TNFRSF1B: variants seen among roughly 807,000 people sequenced by gnomAD.
TNFRSF1B encodes the protein tumor necrosis factor receptor superfamily member 1B.
A neutral mutation model predicts 44.6 loss-of-function variants in TNFRSF1B; 19 were observed. That is an observed-to-expected ratio of 0.43 (90% CI 0.30 to 0.62). The LOEUF (loss-of-function observed/expected upper bound fraction) is 0.62, where lower values mean the gene tolerates loss of function less well. Among genes scored for constraint, TNFRSF1B ranks in the 20% least tolerant of loss-of-function variants. TNFRSF1B has a pLI of 0.16. For synonymous variants in TNFRSF1B, 252 were observed against 261.1 expected (o/e 0.97, Z 0.34); for missense variants, 541 against 619.9 (o/e 0.87, Z 1.35).
rs997728401 is a variant in TNFRSF1B at position 12,171,446 on chromosome 1, C to T, written c.78+4277C>T. Among the ~76,000 whole-genome samples, 3 of 152,230 alleles carry T rather than the reference C, an allele frequency of 2.0e-5. No homozygotes were observed. Among genetic ancestry groups the T allele is most frequent in the Non-Finnish European group, 4.4e-5 (3 of 68,044 alleles). On this transcript the variant is annotated intron_variant, in intron 1 of 9. Coordinates refer to ENST00000376259, the MANE Select transcript of TNFRSF1B (RefSeq NM_001066.3). The surrounding 1 kb of genome is among the most constrained non-coding windows in gnomAD (Gnocchi z 4.5). ...CTGACGTCTCTTGGTCTCCTTCCCTCGCTTCCTTCTGCTGAAGTAGACAAT... is the reference window on the plus strand; with the variant it reads ...CTGACGTCTCTTGGTCTCCTTCCCTTGCTTCCTTCTGCTGAAGTAGACAAT...
At position 12,178,568 on chromosome 1, in the gene TNFRSF1B, A is replaced by G. The variant is rs1029804190; in HGVS notation, c.79-10228A>G. 6.6e-6 allele frequency among the ~76,000 whole-genome samples: 1 copy of G among 152,182 alleles called. No individual in the cohort carries two copies. Among genetic ancestry groups the G allele is most frequent in the Non-Finnish European group, 1.5e-5 (1 of 68,020 alleles). On this transcript the variant is annotated intron_variant, in intron 1 of 9. Transcript: ENST00000376259. This position sits in a 1 kb window ranked among gnomAD's most constrained non-coding sequence, Gnocchi z 4.3. ...CCAAAACTGGTCGGGTGTGGGCAGTATAGAGATGCACCCGGGTTGTCACAG... is the reference window on the plus strand; with the variant it reads ...CCAAAACTGGTCGGGTGTGGGCAGTGTAGAGATGCACCCGGGTTGTCACAG...
rs372242396 is a variant in TNFRSF1B, at chr1:12,173,712, G to C, written c.78+6543G>C. ...CCTTTGTCGCTGGTAATGGGTGCAG[G>C]CTGCTCTGACCCGGTTCTGAGTCCT... On this transcript the variant is annotated intron_variant, in intron 1 of 9. Coordinates refer to ENST00000376259, the MANE Select transcript of TNFRSF1B (RefSeq NM_001066.3). Among the ~76,000 whole-genome samples, 17 of 152,324 alleles carry C rather than the reference G, an allele frequency of 1.1e-4. No homozygotes were observed. The East Asian group carries it at 1.4e-3, about 12-fold the overall frequency.
At chr1:12,191,544 C>T (rs932445735) in intron 3 of TNFRSF1B, among the ~76,000 whole-genome samples, 4 of 147,590 alleles carry the variant, frequency 2.7e-5, no homozygotes, top group Non-Finnish European at 6.0e-5. Flanking sequence ...CTGCGGGGGA[C>T]GAGCAGGACT....
At chr1:12,174,406 C>G (rs1291988828) in intron 1 of TNFRSF1B, among the ~76,000 whole-genome samples, 2 of 152,020 alleles carry the variant, frequency 1.3e-5, no homozygotes, top group Non-Finnish European at 2.9e-5. Flanking sequence ...CACCACCACA[C>G]CCGGCTAGTT....
Position 12,186,478 on chromosome 1 carries a change from C to T in TNFRSF1B, c.79-2318C>T, listed in dbSNP as rs543236144. On this transcript the variant is annotated intron_variant, in intron 1 of 9. Transcript: ENST00000376259. The surrounding 1 kb of genome is among the most constrained non-coding windows in gnomAD (Gnocchi z 4.8). ...GCTGAAGTCCAGGATAGGTCCATGG[C>T]CACGTTGTGCTGGTTTGTTAAATAT... Among the ~76,000 whole-genome samples, 1 of 152,316 alleles carries T rather than the reference C, an allele frequency of 6.6e-6. No homozygotes were observed. Among genetic ancestry groups the T allele is most frequent in the Admixed American group, 6.5e-5 (1 of 15,302 alleles).
intron 9 of TNFRSF1B, among the ~76,000 whole-genome samples, chr1:12,203,381 G>A (rs1454728768): frequency 1.3e-5 from 2 of 152,072 alleles, no homozygotes; most frequent in African/African-American, 2.4e-5. Context: ...CCCCCACCAC[G>A]CAGCCCTCCT....
intron 1 of TNFRSF1B, among the ~76,000 whole-genome samples, chr1:12,170,490 C>T (rs1638496852): frequency 6.6e-6 from 1 of 152,240 alleles, no homozygotes; most frequent in African/African-American, 2.4e-5. Flanking sequence ...GCCATCCTGG[C>T]ACCTGGCACA....
At chr1:12,174,160 T>TCTCCTTCTCCTTCTCCTTCTC (rs61393750) in intron 1 of TNFRSF1B, among the ~76,000 whole-genome samples, 3 of 67,918 alleles carry the variant, frequency 4.4e-5, no homozygotes, top group Non-Finnish European at 3.0e-5. Flanking sequence ...TTCTTCTTCT[T>TCTCCTTCTCCTTCTCCTTCTC]CTTCTCCTTC....
In TNFRSF1B at chr1:12,192,425, C is replaced by T; in HGVS notation, c.458-6C>T. 2 of 1,614,006 alleles carry T rather than the reference C, an allele frequency of 1.2e-6. No individual in the cohort carries two copies. The highest frequency in any genetic ancestry group is 1.7e-6 in the Non-Finnish European group (2 of 1,179,908). On this transcript the variant is annotated splice_polypyrimidine_tract_variant and splice_region_variant and intron_variant, in intron 4 of 9. Coordinates refer to ENST00000376259, the MANE Select transcript of TNFRSF1B (RefSeq NM_001066.3). ...GTGGTTGACAAGTTCGGATTGTTCC[C>T]TGAAGGAACTGAAACATCAGACGTG...
At position 12,208,903 on chromosome 1, in the gene TNFRSF1B, G is replaced by T. The variant is rs539910083; in HGVS notation, c.*1883G>T. The T allele has an allele frequency of 6.6e-6, 1 of 152,210 alleles. No individual in the cohort carries two copies. Among genetic ancestry groups the T allele is most frequent in the African/African-American group, 2.4e-5 (1 of 41,414 alleles). 9.4% of individuals were successfully genotyped at this position (152,210 alleles called of 1,614,324 possible). ...TGAGGCTGCAGCGAGCTATGATCGC[G>T]CCACTACACTCCAGCCTGAGCAACA... On this transcript the variant is annotated 3_prime_UTR_variant, in exon 10 of 10. Coordinates refer to ENST00000376259, the MANE Select transcript of TNFRSF1B (RefSeq NM_001066.3).
chr1:12,190,884 G>A, intron 2 of TNFRSF1B, 73 bp from the exon 3 acceptor site: 1 of 1,555,272 alleles, frequency 6.4e-7, no homozygotes, highest in East Asian at 2.3e-5. Flanking sequence ...TGGACTTTGT[G>A]GGGACAGTGG....
At chr1:12,167,567 A>C (rs1335116247) in intron 1 of TNFRSF1B, 3 of 329,968 alleles carry the variant, frequency 9.1e-6, no homozygotes, top group Non-Finnish European at 1.8e-5. Context: ...CACGCGGTGG[A>C]GAAGGGGCTG....
chr1:12,183,720 C>CCTATCTATCTATCTATCTAT lies in TNFRSF1B; in HGVS notation c.79-5064_79-5045dup, dbSNP rs376176302. 4.0e-4 allele frequency among the ~76,000 whole-genome samples: 37 copies of CCTATCTATCTATCTATCTAT among 92,200 alleles called. 2 individuals carry two copies. Among genetic ancestry groups the CCTATCTATCTATCTATCTAT allele is most frequent in the African/African-American group, 1.1e-3 (33 of 29,222 alleles). 60.5% of individuals were successfully genotyped at this position (92,200 alleles called of 152,430 possible). A position where few individuals can be genotyped will look rare whatever the true frequency, so the allele number is the denominator to read the frequency against. On this transcript the variant is annotated intron_variant, in intron 1 of 9. Coordinates refer to ENST00000376259, the MANE Select transcript of TNFRSF1B (RefSeq NM_001066.3). ...TCTATCTATCTATCTATTCTATCTA[C>CCTATCTATCTATCTATCTAT]CTATCTATCTATCTATCTATCTATC...
chr1:12,191,141 G>A (rs1171568649), intron 3 of TNFRSF1B, 56 bp downstream of exon 3: 4 of 1,588,736 alleles, frequency 2.5e-6, no homozygotes, highest in African/African-American at 2.7e-5. Context: ...AACTTCCCCC[G>A]GCAACTCCAG....
At chr1:12,192,268 A>C (rs1639156619) in intron 4 of TNFRSF1B, 163 bp from the exon 5 acceptor site, 1 of 717,630 alleles carries the variant, frequency 1.4e-6, no homozygotes, top group African/African-American at 1.8e-5. Flanking sequence ...GCATGTGTGT[A>C]CAGGCATCTG....
chr1:12,200,674 G>A (rs535854743), intron 8 of TNFRSF1B, among the ~76,000 whole-genome samples: 1 of 152,078 alleles, frequency 6.6e-6, no homozygotes, highest in African/African-American at 2.4e-5. Context: ...CCAGCCTGGA[G>A]TGCAGTGGCT....
At position 12,177,492 on chromosome 1, in the gene TNFRSF1B, G is replaced by A. The variant is rs1216160244; in HGVS notation, c.78+10323G>A. ...GCTGCACCCCCACTAGTGTGGGGGA[G>A]CAGGATTCCAGGGCCTGCCTGGCGC... On this transcript the variant is annotated intron_variant, in intron 1 of 9. Transcript: ENST00000376259. This position sits in a 1 kb window ranked among gnomAD's most constrained non-coding sequence, Gnocchi z 4.3. Among the ~76,000 whole-genome samples, 3 of 152,320 alleles carry A rather than the reference G, an allele frequency of 2.0e-5. No individual in the cohort carries two copies. The South Asian group carries it at 6.2e-4, about 32-fold the overall frequency.
Position 12,206,783 on chromosome 1 carries a change from C to T in TNFRSF1B, c.1149C>T (p.Cys383=), listed in dbSNP as rs777283533. 6.2e-7 allele frequency: 1 copy of T among 1,611,384 alleles called. No individual in the cohort carries two copies. The highest frequency in any genetic ancestry group is 1.1e-5 in the South Asian group (1 of 90,836). The part of the protein sequence containing the change: ...GGHGTQVNVT[C]IVNVCSSSDH... ...ATGGGACCCAGGTCAATGTCACCTG[C>T]ATCGTGAACGTCTGTAGCAGCTCTG... Residue 383 remains cysteine (C), a synonymous_variant, in exon 10 of 10, where the codon TGC becomes TGT. Coordinates refer to ENST00000376259, the MANE Select transcript of TNFRSF1B (RefSeq NM_001066.3).
Position 12,209,118 on chromosome 1 carries a change from G to A in TNFRSF1B, c.*2098G>A, listed in dbSNP as rs968554103. The A allele has an allele frequency of 6.6e-6, 1 of 152,386 alleles. No individual in the cohort carries two copies. The allele number at this position is 152,386 out of a possible 1,614,324, so 9.4% of individuals were successfully genotyped here. ...GAAGCGATGAATTTGGAGACTCTGT[G>A]GGGCCTTGGTTCCCTTGTGTGTGTG... On this transcript the variant is annotated 3_prime_UTR_variant, in exon 10 of 10. Coordinates refer to ENST00000376259, the MANE Select transcript of TNFRSF1B (RefSeq NM_001066.3).
Sources: gnomAD v4.1 joint callset for allele counts (sites outside exome capture counted in the v4.1 genomes callset) on GRCh38, gnomAD v4.1.1 for gene constraint, Gnocchi (gnomAD v3.1) non-coding constraint, MANE v1.5 for transcripts, NCBI Gene and HGNC (gene_info 2026-07-23, HGNC 2026-07-21) for gene names.